The following PCDH15 variants were observed in gnomAD, a reference collection of about 807,000 sequenced individuals.
PCDH15 encodes protocadherin related 15.
A neutral mutation model predicts 178.5 loss-of-function variants in PCDH15; 129 were observed. The ratio of observed to expected loss-of-function variants is 0.72; its 90% CI spans 0.63 to 0.84. The LOEUF (loss-of-function observed/expected upper bound fraction) is 0.84, where lower values mean the gene tolerates loss of function less well. Ranked by LOEUF, PCDH15 falls within the 40% of genes least tolerant of loss-of-function variation. The probability of loss-of-function intolerance (pLI) is 0.00; values close to 1 mark genes in which losing one functional copy is unlikely to be tolerated. For synonymous variants in PCDH15, 800 were observed against 732.0 expected, an observed-to-expected ratio of 1.09 and a Z score of -1.50; for missense variants, 2,230 against 2,099.9, an observed-to-expected ratio of 1.06 and a Z score of -1.21.
intron 16 of PCDH15, among the ~76,000 whole-genome samples, chr10:54,086,694 C>G (rs1270978629): frequency 1.3e-5 from 2 of 152,066 alleles, no homozygotes; most frequent in African/African-American, 4.8e-5. Flanking sequence ...AGGCAAAGGG[C>G]CCAGTGTACA....
intron 26 of PCDH15, among the ~76,000 whole-genome samples, chr10:53,888,119 C>T (rs758845109): frequency 6.6e-6 from 1 of 151,056 alleles, no homozygotes; most frequent in Non-Finnish European, 1.5e-5. Flanking sequence ...TCTCCAGCCC[C>T]TAACCCAACC....
chr10:54,798,918 C>T (rs975917677), intron 1 of PCDH15, among the ~76,000 whole-genome samples: 11 of 152,034 alleles, frequency 7.2e-5, no homozygotes, highest in African/African-American at 2.7e-4. Context: ...ATTGTATCTG[C>T]ACATTTACAG....
chr10:55,232,007 AC>A (rs1264355112), intron 1 of PCDH15, among the ~76,000 whole-genome samples: 4 of 152,012 alleles, frequency 2.6e-5, no homozygotes, highest in African/African-American at 7.2e-5. Flanking sequence ...GAGTTTGTCA[AC>A]TTTATTTTTA....
intron 2 of PCDH15, among the ~76,000 whole-genome samples, chr10:55,393,825 C>G (rs1837858094): frequency 6.6e-6 from 1 of 152,078 alleles, no homozygotes; most frequent in Non-Finnish European, 1.5e-5. Context: ...AAGCTGTGCA[C>G]AAATGTCTTT....
At chr10:55,179,381 G>A (rs942702486) in intron 1 of PCDH15, among the ~76,000 whole-genome samples, 1 of 152,082 alleles carries the variant, frequency 6.6e-6, no homozygotes, top group Non-Finnish European at 1.5e-5. Context: ...TTCAAGCCAG[G>A]ATAGTTTGAA....
intron 31 of PCDH15, among the ~76,000 whole-genome samples, chr10:53,828,216 A>C (rs2076817964): frequency 6.8e-5 from 4 of 58,918 alleles, no homozygotes; most frequent in Non-Finnish European, 1.6e-4. Context: ...TCAAAAAAAA[A>C]AAAAAAAAAA....
chr10:54,435,894 C>T (rs888929221), intron 3 of PCDH15, among the ~76,000 whole-genome samples: 14 of 151,614 alleles, frequency 9.2e-5, no homozygotes, highest in African/African-American at 2.9e-4. Context: ...GGCGTGAACC[C>T]GGGAAGCAGA....
chr10:54,143,783 A>G (rs780787188), intron 14 of PCDH15, among the ~76,000 whole-genome samples: 7 of 152,104 alleles, frequency 4.6e-5, no homozygotes, highest in Non-Finnish European at 7.3e-5. Context: ...ACAGAACTTG[A>G]GGCATATTTT....
At chr10:55,513,622 T>C (rs1840941994) in intron 2 of PCDH15, among the ~76,000 whole-genome samples, 1 of 152,120 alleles carries the variant, frequency 6.6e-6, no homozygotes, top group African/African-American at 2.4e-5. Context: ...CAAATAAGCA[T>C]TTAATTATAA....
At chr10:55,056,733 A>G (rs1388546139) in intron 2 of PCDH15, among the ~76,000 whole-genome samples, 1 of 151,534 alleles carries the variant, frequency 6.6e-6, no homozygotes, top group Non-Finnish European at 1.5e-5. Flanking sequence ...CCCAGATTCA[A>G]GCAATTCTCC....
intron 2 of PCDH15, among the ~76,000 whole-genome samples, chr10:55,451,715 G>A (rs1839439180): frequency 6.6e-6 from 1 of 152,052 alleles, no homozygotes; most frequent in Admixed American, 6.6e-5. Context: ...TTTTCACGGA[G>A]AAAACCTATA....
intron 3 of PCDH15, among the ~76,000 whole-genome samples, chr10:54,513,349 C>T (rs1466986895): frequency 6.6e-6 from 1 of 151,690 alleles, no homozygotes; most frequent in Non-Finnish European, 1.5e-5. Flanking sequence ...CAAACTCTGC[C>T]TCCTGGGTTT....
intron 15 of PCDH15, among the ~76,000 whole-genome samples, chr10:54,131,477 C>CT (rs979999337): frequency 8.6e-5 from 13 of 151,840 alleles, no homozygotes; most frequent in Non-Finnish European, 1.2e-4. Context: ...AATACTTTGA[C>CT]TTTTTTTTCC....
chr10:54,924,182 CA>C (rs1303381601), intron 2 of PCDH15, among the ~76,000 whole-genome samples: 1 of 137,278 alleles, frequency 7.3e-6, no homozygotes, highest in African/African-American at 2.5e-5. Context: ...TACACACTTT[CA>C]AACAACCAGA....
intron 2 of PCDH15, among the ~76,000 whole-genome samples, chr10:55,610,387 G>A (rs924021998): frequency 6.6e-5 from 10 of 152,030 alleles, no homozygotes; most frequent in Non-Finnish European, 1.3e-4. Flanking sequence ...CACATGTTCA[G>A]CTGACAGAAA....
intron 1 of PCDH15, among the ~76,000 whole-genome samples, chr10:54,743,608 C>A (rs1945080870): frequency 1.3e-5 from 2 of 151,890 alleles, no homozygotes; most frequent in Admixed American, 1.3e-4. Flanking sequence ...TCTAAGTATA[C>A]TTTACTCTAT....
intron 2 of PCDH15, among the ~76,000 whole-genome samples, chr10:54,990,656 A>T (rs780462969): frequency 2.0e-5 from 3 of 152,158 alleles, no homozygotes; most frequent in Non-Finnish European, 4.4e-5. Context: ...CATCATTGCA[A>T]ATTAGAAATT....
At chr10:54,386,408 A>G (rs1464029902) in intron 3 of PCDH15, among the ~76,000 whole-genome samples, 3 of 152,084 alleles carry the variant, frequency 2.0e-5, no homozygotes, top group Admixed American at 6.6e-5. Flanking sequence ...GGTTTTCTAT[A>G]TGCAGTGTAT....
intron 3 of PCDH15, among the ~76,000 whole-genome samples, chr10:54,512,665 T>A (rs1589803259): frequency 7.7e-6 from 1 of 129,350 alleles, no homozygotes; most frequent in Non-Finnish European, 1.9e-5. Flanking sequence ...TTCTTAGAGG[T>A]TTTAAATAAA....
Sources: allele counts gnomAD v4.1 joint callset (sites outside exome capture counted in the v4.1 genomes callset), GRCh38; gene constraint gnomAD v4.1.1; transcripts MANE v1.5; gene names NCBI Gene and HGNC (gene_info 2026-07-23, HGNC 2026-07-21).